Variants in ZNF469 observed in about 807,000 individuals in gnomAD.
ZNF469 encodes zinc finger protein 469.
Under a neutral mutation model 1.0 loss-of-function variants are expected in ZNF469, and 1 was observed. That is an observed-to-expected ratio of 1.00 (90% CI 0.35 to 4.73). The LOEUF (loss-of-function observed/expected upper bound fraction) is 4.73, where lower values mean the gene tolerates loss of function less well. Among genes scored for constraint, ZNF469 ranks in the 30% most tolerant of loss-of-function variants. ZNF469 has a pLI of 0.16. For synonymous variants in ZNF469, 2,703 were observed against 2,363.4 expected (o/e 1.14, Z -4.17); for missense variants, 6,100 against 5,356.3 (o/e 1.14, Z -4.33).
chr16:88,127,977 G>T, the ZNF469 span, among the ~76,000 whole-genome samples: 2 of 152,206 alleles, frequency 1.3e-5, no homozygotes, highest in Non-Finnish European at 2.9e-5. Flanking sequence ...CACGAGGCTT[G>T]CCTGTGCCGG....
chr16:88,324,620 C>G, the ZNF469 span, among the ~76,000 whole-genome samples: 1 of 152,214 alleles, frequency 6.6e-6, no homozygotes, highest in Non-Finnish European at 1.5e-5. Context: ...CAGGGCTAAC[C>G]CACAGGGAGT....
At chr16:88,337,520 A>G in the ZNF469 span, among the ~76,000 whole-genome samples, 2 of 152,168 alleles carry the variant, frequency 1.3e-5, no homozygotes, top group African/African-American at 4.8e-5. Context: ...GTTTGCACGG[A>G]CGTGTTTTCA....
chr16:88,422,945 GAT>G (rs1905539790), intron 1 of ZNF469, among the ~76,000 whole-genome samples: 2 of 150,078 alleles, frequency 1.3e-5, no homozygotes, highest in African/African-American at 2.5e-5. Context: ...GTGGATGGAT[GAT>G]GATGGATGAG....
At chr16:88,312,436 C>G in the ZNF469 span, among the ~76,000 whole-genome samples, 7 of 152,312 alleles carry the variant, frequency 4.6e-5, no homozygotes, top group South Asian at 1.5e-3. Flanking sequence ...TTTCTTTAAT[C>G]CCCTGTTTCT....
At chr16:88,122,420 G>A in the ZNF469 span, among the ~76,000 whole-genome samples, 2 of 149,380 alleles carry the variant, frequency 1.3e-5, no homozygotes, top group African/African-American at 4.9e-5. Context: ...AGCCATGGCG[G>A]CCACTCGGAT....
the ZNF469 span, among the ~76,000 whole-genome samples, chr16:88,153,768 T>A: frequency 6.6e-6 from 1 of 152,224 alleles, no homozygotes; most frequent in Non-Finnish European, 1.5e-5. Flanking sequence ...CTCCATGGCC[T>A]GCGGATGGCG....
At chr16:88,254,097 C>A in the ZNF469 span, among the ~76,000 whole-genome samples, 1 of 152,142 alleles carries the variant, frequency 6.6e-6, no homozygotes, top group Non-Finnish European at 1.5e-5. Context: ...ATCCCAACAT[C>A]ACAAAGATAT....
At position 88,427,610 on chromosome 16, in the gene ZNF469, G is replaced by C; in HGVS notation, c.140G>C (p.Gly47Ala). ...ACCCCAGCTACCAGGACCACCAAGG[G>C]TGCCAGGGAGGCTGGCGGCCAGGCC... ...DNTPATRTTKGAREAGGQAQA... is the reference protein window; with the variant it reads ...DNTPATRTTKAAREAGGQAQA... The change falls in exon 3 of 3, where the codon GGT becomes GCT. Residue 47 changes from glycine (G) to alanine (A), a missense_variant. Transcript: ENST00000565624. 5.2e-6 allele frequency: 8 copies of C among 1,537,290 alleles called. No homozygotes were observed. Among genetic ancestry groups the C allele is most frequent in the Non-Finnish European group, 7.0e-6 (8 of 1,146,508 alleles).
chr16:88,347,110 T>C, the ZNF469 span, among the ~76,000 whole-genome samples: 1 of 152,162 alleles, frequency 6.6e-6, no homozygotes, highest in South Asian at 2.1e-4. Context: ...CAGCATGGTG[T>C]CACCTGTGTT....
chr16:88,312,915 C>A, the ZNF469 span, among the ~76,000 whole-genome samples: 1 of 152,170 alleles, frequency 6.6e-6, no homozygotes, highest in Non-Finnish European at 1.5e-5. Context: ...TCTAGGATGG[C>A]CTGGATGTTT....
At chr16:88,410,253 G>A (rs1205605314) in intron 1 of ZNF469, among the ~76,000 whole-genome samples, 2 of 147,150 alleles carry the variant, frequency 1.4e-5, no homozygotes, top group South Asian at 2.1e-4. Flanking sequence ...CGTTGATGGT[G>A]CAGGTCACAC....
the ZNF469 span, among the ~76,000 whole-genome samples, chr16:88,119,656 G>A: frequency 1.3e-5 from 2 of 152,198 alleles, no homozygotes; most frequent in African/African-American, 2.4e-5. Flanking sequence ...TCCCTACCGG[G>A]TCCAGCCGTT....
chr16:88,226,472 C>A, the ZNF469 span, among the ~76,000 whole-genome samples: 3 of 152,078 alleles, frequency 2.0e-5, no homozygotes, highest in African/African-American at 7.2e-5. Context: ...CCCTTCCCAG[C>A]GCCTCCAGAA....
chr16:88,229,587 C>T, the ZNF469 span, among the ~76,000 whole-genome samples: 34 of 138,250 alleles, frequency 2.5e-4, no homozygotes, highest in African/African-American at 4.8e-4. Context: ...GCTGATGTCA[C>T]GCGTGTGGAT....
chr16:88,117,173 G>T, the ZNF469 span, among the ~76,000 whole-genome samples: 4 of 142,270 alleles, frequency 2.8e-5, no homozygotes, highest in African/African-American at 1.0e-4. Context: ...AGAACTGGGG[G>T]CATGTGAGGG....
At chr16:88,306,074 C>T in the ZNF469 span, among the ~76,000 whole-genome samples, 5 of 152,240 alleles carry the variant, frequency 3.3e-5, no homozygotes, top group Admixed American at 1.3e-4. Context: ...GGCCTGGAGA[C>T]GCCAAGGCTG....
chr16:88,359,064 G>A, the ZNF469 span, among the ~76,000 whole-genome samples: 852 of 152,332 alleles, frequency 5.6e-3, 11 homozygotes, highest in African/African-American at 0.018. Flanking sequence ...CTGTGCAGAC[G>A]CTCTGCCCCA....
the ZNF469 span, among the ~76,000 whole-genome samples, chr16:88,229,006 G>A: frequency 0.19 from 28,197 of 152,098 alleles, 2,933 homozygotes; most frequent in East Asian, 0.31. Context: ...GTCAAGGTAA[G>A]AGCTGAGCCA....
the ZNF469 span, among the ~76,000 whole-genome samples, chr16:88,151,084 C>A: frequency 0.064 from 9,760 of 152,314 alleles, 453 homozygotes; most frequent in Admixed American, 0.12. This position sits in a 1 kb window ranked among gnomAD's most constrained non-coding sequence, Gnocchi z 5.4. Flanking sequence ...CAGGTGAAGC[C>A]CCACAGGGGG....
Sources: gnomAD v4.1 joint callset for allele counts (sites outside exome capture counted in the v4.1 genomes callset) on GRCh38, gnomAD v4.1.1 for gene constraint, Gnocchi (gnomAD v3.1) non-coding constraint, MANE v1.5 for transcripts, NCBI Gene and HGNC (gene_info 2026-07-23, HGNC 2026-07-21) for gene names.